Variants in PIRT observed in about 807,000 individuals in gnomAD.
The protein encoded by PIRT is phosphoinositide-interacting protein.
PIRT carries 6 observed loss-of-function variants against 7.9 expected under a neutral mutation model. The ratio of observed to expected loss-of-function variants is 0.76; its 90% CI spans 0.42 to 1.51. The LOEUF is 1.51. Among genes scored for constraint, PIRT ranks in the 40% most tolerant of loss-of-function variants. The pLI, the probability that PIRT is intolerant of heterozygous loss-of-function variation, is 0.01. For synonymous variants in PIRT, 78 were observed against 71.8 expected (o/e 1.09, Z -0.44); for missense variants, 170 against 172.9 (o/e 0.98, Z 0.09).
chr17:10,826,601 G>C (rs1905320450), intron 1 of PIRT, among the ~76,000 whole-genome samples: 1 of 152,214 alleles, frequency 6.6e-6, no homozygotes, highest in Non-Finnish European at 1.5e-5. Flanking sequence ...CTGTGAATTA[G>C]GCATTAGTCC....
intron 1 of PIRT, among the ~76,000 whole-genome samples, chr17:10,835,304 C>T (rs1429744146): frequency 6.6e-6 from 1 of 152,198 alleles, no homozygotes; most frequent in Non-Finnish European, 1.5e-5. Context: ...GGGAGCCACG[C>T]TAAATGCTTT....
At position 10,830,077 on chromosome 17, in the gene PIRT, G is replaced by A. The variant is rs1222260575; in HGVS notation, c.-138-4294C>T. Among the ~76,000 whole-genome samples, 6 of 152,240 alleles carry A rather than the reference G, an allele frequency of 3.9e-5. No individual in the cohort carries two copies. In the East Asian group the frequency reaches 1.2e-3, roughly 29 times the overall value. On this transcript the variant is annotated intron_variant, in intron 1 of 1. Transcript: ENST00000580256. ...AAGCAACTATTCATTTGTTGGGAGG[G>A]AGGATGTGTCTTTGGGAGAGTGAAT...
In PIRT at chr17:10,823,841, G is replaced by T. The variant is rs2840173; in HGVS notation, c.*1391C>A. The T allele has an allele frequency of 6.6e-6, 1 of 152,086 alleles. No homozygotes were observed. Among genetic ancestry groups the T allele is most frequent in the African/African-American group, 2.4e-5 (1 of 41,434 alleles). 9.4% of individuals were successfully genotyped at this position (152,086 alleles called of 1,614,324 possible). A position where few individuals can be genotyped will look rare whatever the true frequency, so the allele number is the denominator to read the frequency against. ...CAGGAGAAGCTGCGCTAGGCACTTG[G>T]TGAAGAGGTGGGAAGCCGGGAAAGA... On this transcript the variant is annotated 3_prime_UTR_variant, in exon 2 of 2. Transcript: ENST00000580256.
At chr17:10,827,538 G>A (rs1245355438) in intron 1 of PIRT, among the ~76,000 whole-genome samples, 1 of 131,546 alleles carries the variant, frequency 7.6e-6, no homozygotes, top group African/African-American at 2.9e-5. Flanking sequence ...GCAGTGGTGC[G>A]ATCTTGGCTC....
Position 10,836,557 on chromosome 17 carries a change from G to A in PIRT, c.-139+1388C>T, listed in dbSNP as rs116846230. 7.7e-3 allele frequency among the ~76,000 whole-genome samples: 1,179 copies of A among 152,212 alleles called. 9 individuals are homozygous for A. Among genetic ancestry groups the A allele is most frequent in the Non-Finnish European group, 0.01 (710 of 68,018 alleles). The stretch of plus-strand genomic sequence containing the variant: ...AAATTCAAATTGAACTGGGCATCTC[G>A]CAATACATCTGGCACCCCTAATATT... On this transcript the variant is annotated intron_variant, in intron 1 of 1. Coordinates refer to ENST00000580256, the MANE Select transcript of PIRT (RefSeq NM_001101387.2).
chr17:10,827,216 A>G (rs565610986), intron 1 of PIRT, among the ~76,000 whole-genome samples: 1 of 152,236 alleles, frequency 6.6e-6, no homozygotes, highest in East Asian at 1.9e-4. Flanking sequence ...CTGGAAAGGT[A>G]TGGAGTCTCA....
Position 10,822,481 on chromosome 17 carries a change from A to G in PIRT, c.*2751T>C, listed in dbSNP as rs889383470. On this transcript the variant is annotated 3_prime_UTR_variant, in exon 2 of 2. Transcript: ENST00000580256. ...GAAAACACAGCAGACAGTGTTACATAGAATACAATTCAACATTACATTGAT... is the reference window on the plus strand; with the variant it reads ...GAAAACACAGCAGACAGTGTTACATGGAATACAATTCAACATTACATTGAT... 6.6e-6 allele frequency: 1 copy of G among 152,244 alleles called. No homozygotes were observed. Among genetic ancestry groups the G allele is most frequent in the African/African-American group, 2.4e-5 (1 of 41,472 alleles). 9.4% of individuals were successfully genotyped at this position (152,244 alleles called of 1,614,324 possible). A position where few individuals can be genotyped will look rare whatever the true frequency, so the allele number is the denominator to read the frequency against.
chr17:10,826,184 G>A (rs754670750), intron 1 of PIRT, among the ~76,000 whole-genome samples: 9 of 152,022 alleles, frequency 5.9e-5, no homozygotes, highest in African/African-American at 1.9e-4. Context: ...GGCTGGTCTC[G>A]AACTCCTGAC....
At chr17:10,836,594 C>T (rs113017130) in intron 1 of PIRT, among the ~76,000 whole-genome samples, 51 of 152,272 alleles carry the variant, frequency 3.3e-4, no homozygotes, top group African/African-American at 1.1e-3. Context: ...TAAGAGATCC[C>T]GCTGTGCTGC....
chr17:10,832,999 C>G (rs1410773432), intron 1 of PIRT, among the ~76,000 whole-genome samples: 3 of 152,184 alleles, frequency 2.0e-5, no homozygotes, highest in East Asian at 1.9e-4. Flanking sequence ...AACTTATTCA[C>G]CTCTTACATG....
intron 1 of PIRT, among the ~76,000 whole-genome samples, chr17:10,826,592 T>C (rs908742158): frequency 6.6e-6 from 1 of 152,216 alleles, no homozygotes; most frequent in Non-Finnish European, 1.5e-5. Flanking sequence ...ACAATAAACC[T>C]GTGAATTAGG....
intron 1 of PIRT, among the ~76,000 whole-genome samples, chr17:10,837,595 G>C (rs1051827966): frequency 6.6e-6 from 1 of 152,188 alleles, no homozygotes; most frequent in African/African-American, 2.4e-5. Flanking sequence ...GATTTGGGAG[G>C]AGAGTCCCTG....
At chr17:10,835,204 C>T (rs942366969) in intron 1 of PIRT, among the ~76,000 whole-genome samples, 13 of 152,310 alleles carry the variant, frequency 8.5e-5, no homozygotes, top group African/African-American at 2.6e-4. Context: ...AGCTGCTTCT[C>T]CAAAGCCAAA....
In PIRT at chr17:10,830,163, A is replaced by G. The variant is rs117453066; in HGVS notation, c.-138-4380T>C. Among the ~76,000 whole-genome samples the G allele has an allele frequency of 7.4e-3, 1,129 of 152,246 alleles. 7 individuals carry two copies. The highest frequency in any genetic ancestry group is 0.01 in the Non-Finnish European group (693 of 68,006). Reference sequence around the variant, plus strand: ...GAAGCAGTTCTCTTCCCCTGAGCAGAGGGAATGCCTACCCTCCTCTCCCTC... The same window carrying G: ...GAAGCAGTTCTCTTCCCCTGAGCAGGGGGAATGCCTACCCTCCTCTCCCTC... On this transcript the variant is annotated intron_variant, in intron 1 of 1. Coordinates refer to ENST00000580256, the MANE Select transcript of PIRT (RefSeq NM_001101387.2).
rs10561822 is a variant in PIRT at position 10,829,965 on chromosome 17, G to GTCTATCTATCTA, written c.-138-4194_-138-4183dup. ...TTGTCCACTATGTAGATGTCTGTCT[G>GTCTATCTATCTA]TCTATCTATCTATCTATCTATCTAT... is the stretch of plus-strand genomic sequence containing the variant. On this transcript the variant is annotated intron_variant, in intron 1 of 1. Coordinates refer to ENST00000580256, the MANE Select transcript of PIRT (RefSeq NM_001101387.2). 2.3e-3 allele frequency among the ~76,000 whole-genome samples: 346 copies of GTCTATCTATCTA among 149,598 alleles called. 1 individual carries two copies. Among genetic ancestry groups the GTCTATCTATCTA allele is most frequent in the Middle Eastern group, 6.8e-3 (2 of 294 alleles).
intron 1 of PIRT, among the ~76,000 whole-genome samples, chr17:10,829,623 A>G (rs1426699504): frequency 6.6e-6 from 1 of 152,144 alleles, no homozygotes; most frequent in Non-Finnish European, 1.5e-5. Context: ...ATGGGTCCCA[A>G]AGGTTCCTCA....
chr17:10,829,044 T>C (rs929600252), intron 1 of PIRT, among the ~76,000 whole-genome samples: 2 of 152,200 alleles, frequency 1.3e-5, no homozygotes, highest in Non-Finnish European at 2.9e-5. Context: ...GTGATTTTTT[T>C]CCCCCTGTGG....
chr17:10,823,002 A>G lies in PIRT; in HGVS notation c.*2230T>C, dbSNP rs1050733492. 1.3e-5 allele frequency: 2 copies of G among 152,116 alleles called. No individual in the cohort carries two copies. The highest frequency in any genetic ancestry group is 4.8e-5 in the African/African-American group (2 of 41,416). 9.4% of individuals were successfully genotyped at this position (152,116 alleles called of 1,614,324 possible). ...CAGTATCCAAATGGGCCCTCCTCAT[A>G]TAGCTGTGCCCAGGCTACAATCTCC... On this transcript the variant is annotated 3_prime_UTR_variant, in exon 2 of 2. Transcript: ENST00000580256.
In PIRT at chr17:10,822,617, T is replaced by A. The variant is rs1436987442; in HGVS notation, c.*2615A>T. The A allele has an allele frequency of 7.9e-5, 12 of 152,224 alleles. No individual in the cohort carries two copies. Among genetic ancestry groups the A allele is most frequent in the Admixed American group, 7.9e-4 (12 of 15,280 alleles). 9.4% of individuals were successfully genotyped at this position (152,224 alleles called of 1,614,324 possible). A position where few individuals can be genotyped will look rare whatever the true frequency, so the allele number is the denominator to read the frequency against. On this transcript the variant is annotated 3_prime_UTR_variant, in exon 2 of 2. Coordinates refer to ENST00000580256, the MANE Select transcript of PIRT (RefSeq NM_001101387.2). ...AAGCTGGTTCTGTCCTTTGACCCAC[T>A]GACGTGAAAAGAGTCATTGCAGGTG...
Sources: allele counts gnomAD v4.1 joint callset (sites outside exome capture counted in the v4.1 genomes callset), GRCh38; gene constraint gnomAD v4.1.1; transcripts MANE v1.5; gene names NCBI Gene and HGNC (gene_info 2026-07-23, HGNC 2026-07-21).